The following LRRFIP1 variants were observed in gnomAD, a reference collection of about 807,000 sequenced individuals.
The protein encoded by LRRFIP1 is leucine-rich repeat flightless-interacting protein 1.
LRRFIP1 carries 62 observed loss-of-function variants against 104.4 expected under a neutral mutation model. The ratio of observed to expected loss-of-function variants is 0.59; its 90% CI spans 0.48 to 0.73. The LOEUF is 0.73. LRRFIP1 is among the 30% of genes least tolerant of loss of function. The pLI is 0.00. For missense variants in LRRFIP1, 796 were observed against 824.5 expected, an observed-to-expected ratio of 0.97 and a Z score of 0.42; for synonymous variants, 300 against 299.0, an observed-to-expected ratio of 1.00 and a Z score of -0.03.
At chr2:237,700,025 G>A (rs1318623742) in intron 1 of LRRFIP1, among the ~76,000 whole-genome samples, 1 of 151,526 alleles carries the variant, frequency 6.6e-6, no homozygotes. Flanking sequence ...GTGGGTACAC[G>A]GAACCGAGGT....
At position 237,739,321 on chromosome 2, in the gene LRRFIP1, T is replaced by C. The variant is rs964067878; in HGVS notation, c.633+12T>C. 3 of 1,549,724 alleles carry C rather than the reference T, an allele frequency of 1.9e-6. No homozygotes were observed. Among genetic ancestry groups the C allele is most frequent in the Non-Finnish European group, 2.6e-6 (3 of 1,148,672 alleles). ...GGGCCAGCCCTGTGGTAAGTCGGCC[T>C]CCTGGCCTTGCTCCTACTCAGTGTC... On this transcript the variant is annotated intron_variant, in intron 11 of 23. Transcript: ENST00000308482.
At chr2:237,738,976 T>C (rs941566986) in intron 10 of LRRFIP1, among the ~76,000 whole-genome samples, 2 of 152,252 alleles carry the variant, frequency 1.3e-5, no homozygotes, top group African/African-American at 4.8e-5. Flanking sequence ...GAACGGGTGC[T>C]TTGTGTTATT....
chr2:237,730,041 C>T (rs370862832), intron 8 of LRRFIP1, among the ~76,000 whole-genome samples: 1 of 152,164 alleles, frequency 6.6e-6, no homozygotes, highest in Non-Finnish European at 1.5e-5. Context: ...CAGTGTGCTG[C>T]GTTTGACCAC....
intron 11 of LRRFIP1, among the ~76,000 whole-genome samples, chr2:237,746,562 C>T (rs1186257389): frequency 1.3e-5 from 2 of 152,178 alleles, no homozygotes; most frequent in Non-Finnish European, 2.9e-5. Flanking sequence ...CTCATCTTAT[C>T]GGAGTCTGCC....
chr2:237,721,146 A>G (rs143184835), intron 6 of LRRFIP1: 2 of 259,556 alleles, frequency 7.7e-6, no homozygotes, highest in Non-Finnish European at 1.5e-5. Flanking sequence ...CAGGAATGCA[A>G]AGGCGCGTCT....
intron 16 of LRRFIP1, 107 bp from the exon 17 acceptor site, chr2:237,757,349 A>T: frequency 1.5e-6 from 1 of 680,174 alleles, no homozygotes; most frequent in South Asian, 1.8e-5. Flanking sequence ...GAGGTGAAAG[A>T]GTGCTTGCGG....
intron 7 of LRRFIP1, among the ~76,000 whole-genome samples, 200 bp downstream of exon 7, chr2:237,723,786 G>A (rs540564887): frequency 2.2e-4 from 33 of 152,348 alleles, no homozygotes; most frequent in South Asian, 1.0e-3. Flanking sequence ...TGATCCTGCC[G>A]GAGGGGAGGA....
At chr2:237,630,798 C>T (rs1480183674) in intron 1 of LRRFIP1, among the ~76,000 whole-genome samples, 1 of 152,272 alleles carries the variant, frequency 6.6e-6, no homozygotes, top group African/African-American at 2.4e-5. Context: ...GCTGGTTGGG[C>T]TGGGCCATCC....
At chr2:237,755,256 G>A (rs530933699) in intron 15 of LRRFIP1, among the ~76,000 whole-genome samples, 2 of 152,320 alleles carry the variant, frequency 1.3e-5, no homozygotes, top group South Asian at 2.1e-4. Flanking sequence ...GCTAGGTTTT[G>A]CAGGCTCTCC....
intron 10 of LRRFIP1, 142 bp from the exon 11 acceptor site, chr2:237,739,090 T>C (rs2095337652): frequency 6.1e-6 from 4 of 650,836 alleles, no homozygotes; most frequent in Non-Finnish European, 1.1e-5. Flanking sequence ...TGTCTAACCC[T>C]AACTCTCTTT....
rs2059710496 is a variant in LRRFIP1, at chr2:237,760,194, A to G, written c.1448A>G (p.Asp483Gly). The change falls in exon 19 of 24, where the codon GAT becomes GGT. Residue 483 changes from aspartate (D) to glycine (G), a missense_variant. Physicochemically the swap from Asp to Gly is moderately conservative, Grantham distance 94. Coordinates refer to ENST00000308482, the MANE Select transcript of LRRFIP1 (RefSeq NM_001137550.2). ...TTAAATGCCCTCAAGTCGACAGGGGATGGGACCCTAGGTAAGTATTTGCTT... is the reference window on the plus strand; with the variant it reads ...TTAAATGCCCTCAAGTCGACAGGGGGTGGGACCCTAGGTAAGTATTTGCTT... ...EELNALKSTG[D>G]GTLDIRLKKL... The G allele has an allele frequency of 6.2e-7, 1 of 1,614,110 alleles. No homozygotes were observed. Among genetic ancestry groups the G allele is most frequent in the Non-Finnish European group, 8.5e-7 (1 of 1,179,980 alleles).
At chr2:237,716,442 A>G (rs2094334863) in intron 3 of LRRFIP1, among the ~76,000 whole-genome samples, 1 of 151,974 alleles carries the variant, frequency 6.6e-6, no homozygotes, top group South Asian at 2.1e-4. Context: ...AAGTATTGTT[A>G]AATTCTCCCT....
rs1459652704 is a variant in LRRFIP1 at position 237,717,281 on chromosome 2, C to T, written c.202-481C>T. 6.6e-6 allele frequency among the ~76,000 whole-genome samples: 1 copy of T among 152,240 alleles called. No individual in the cohort carries two copies. On this transcript the variant is annotated intron_variant, in intron 3 of 23. Transcript: ENST00000308482. The surrounding 1 kb of genome is among the most constrained non-coding windows in gnomAD (Gnocchi z 4.2). The stretch of plus-strand genomic sequence containing the variant: ...GCCTAGACTCAGCATAGACATCAGG[C>T]AGCTAGAACAAGCGTCAGCACGCAG...
At position 237,686,316 on chromosome 2, in the gene LRRFIP1, A is replaced by G. The variant is rs868153034; in HGVS notation, c.97-22228A>G. 6.6e-5 allele frequency among the ~76,000 whole-genome samples: 10 copies of G among 152,250 alleles called. No individual in the cohort carries two copies. The South Asian group carries it at 1.0e-3, about 16-fold the overall frequency. ...CAATAAAAGACCTATTAGATGAAAA[A>G]TAAGTGTGATGAATTGCTGGGTGCT... On this transcript the variant is annotated intron_variant, in intron 1 of 23. Coordinates refer to ENST00000308482, the MANE Select transcript of LRRFIP1 (RefSeq NM_001137550.2).
At position 237,750,768 on chromosome 2, in the gene LRRFIP1, G is replaced by A. The variant is rs1408585127; in HGVS notation, c.796-432G>A. ...CTGGCTGGTGCCAGATGCTGTCCCC[G>A]GCACCAGGAATTTGGCAAAGTAGAG... On this transcript the variant is annotated intron_variant, in intron 13 of 23. Coordinates refer to ENST00000308482, the MANE Select transcript of LRRFIP1 (RefSeq NM_001137550.2). Among the ~76,000 whole-genome samples, 4 of 152,156 alleles carry A rather than the reference G, an allele frequency of 2.6e-5. No individual in the cohort carries two copies. In the East Asian group the frequency reaches 5.8e-4, roughly 22 times the overall value.
intron 20 of LRRFIP1, chr2:237,770,875 C>T (rs1335754865): frequency 6.6e-6 from 1 of 152,206 alleles, no homozygotes; most frequent in Admixed American, 6.5e-5. Context: ...CAACCACTTT[C>T]CTCTAATTTC....
intron 1 of LRRFIP1, among the ~76,000 whole-genome samples, chr2:237,683,741 T>C (rs924465515): frequency 6.6e-6 from 1 of 152,246 alleles, no homozygotes; most frequent in African/African-American, 2.4e-5. Context: ...ATTTTGGGGA[T>C]GCTGTTTTAG....
At chr2:237,750,616 G>A (rs1396892849) in intron 13 of LRRFIP1, among the ~76,000 whole-genome samples, 5 of 152,234 alleles carry the variant, frequency 3.3e-5, no homozygotes, top group East Asian at 1.9e-4. Context: ...GATTCCAGGC[G>A]TGAGCCGCTG....
At chr2:237,651,161 C>T (rs555601533) in intron 1 of LRRFIP1, among the ~76,000 whole-genome samples, 10 of 152,302 alleles carry the variant, frequency 6.6e-5, no homozygotes, top group African/African-American at 2.4e-4. Flanking sequence ...ACGAAGAACA[C>T]CTATACATCT....
Sources: gnomAD v4.1 joint callset for allele counts (sites outside exome capture counted in the v4.1 genomes callset) on GRCh38, gnomAD v4.1.1 for gene constraint, Gnocchi (gnomAD v3.1) non-coding constraint, MANE v1.5 for transcripts, NCBI Gene and HGNC (gene_info 2026-07-23, HGNC 2026-07-21) for gene names.